The following ZNF677 variants were observed in gnomAD, a reference collection of about 807,000 sequenced individuals.
ZNF677 encodes the protein zinc finger protein 677.
Under a neutral mutation model 8.1 loss-of-function variants are expected in ZNF677, and 5 were observed. That is an observed-to-expected ratio of 0.62 (90% CI 0.32 to 1.29). The LOEUF (loss-of-function observed/expected upper bound fraction) is 1.29. ZNF677 is among the 50% of genes most tolerant of loss of function. The pLI is 0.05. For synonymous variants in ZNF677, 221 were observed against 225.6 expected, an observed-to-expected ratio of 0.98 and a Z score of 0.18; for missense variants, 685 against 685.9, an observed-to-expected ratio of 1.00 and a Z score of 0.01.
In ZNF677 at chr19:53,252,382, G is replaced by A. The variant is rs79873565; in HGVS notation, c.-56+704C>T. On this transcript the variant is annotated intron_variant, in intron 2 of 4. Coordinates refer to ENST00000598513, the MANE Select transcript of ZNF677 (RefSeq NM_182609.4). ...GGCACACTGAGCCTCAGAGAGAGGA[G>A]ATATTTCACCAAGTTACCTGGAAAA... Among the ~76,000 whole-genome samples the A allele has an allele frequency of 5.6e-3, 846 of 152,296 alleles. 9 individuals carry two copies. Among genetic ancestry groups the A allele is most frequent in the African/African-American group, 0.019 (774 of 41,556 alleles).
intron 3 of ZNF677, among the ~76,000 whole-genome samples, chr19:53,245,943 C>A (rs984101269): frequency 1.3e-4 from 19 of 151,982 alleles, no homozygotes; most frequent in Non-Finnish European, 2.6e-4. Context: ...ACCGGGGAGG[C>A]AGCAGTTGCA....
intron 4 of ZNF677, chr19:53,241,977 G>C: frequency 2.7e-6 from 1 of 364,074 alleles, no homozygotes; most frequent in Non-Finnish European, 4.7e-6. Context: ...TGTTGCCCAG[G>C]CTGGAGTGCA....
At position 53,237,091 on chromosome 19, in the gene ZNF677, T is replaced by C; in HGVS notation, c.1636A>G (p.Asn546Asp). Reference protein sequence around the residue: ...IHIEKKHCKHNIHGNALFQSS... With the variant: ...IHIEKKHCKHDIHGNALFQSS... ...TGGAATAAAGCATTACCATGTATATTATGTTTACAATGTTTCTTTTCAATG... is the reference window on the plus strand; with the variant it reads ...TGGAATAAAGCATTACCATGTATATCATGTTTACAATGTTTCTTTTCAATG... Residue 546 changes from asparagine (N) to aspartate (D), a missense_variant, in exon 5 of 5, where the codon AAT becomes GAT. Coordinates refer to ENST00000598513, the MANE Select transcript of ZNF677 (RefSeq NM_182609.4). 6.2e-7 allele frequency: 1 copy of C among 1,613,864 alleles called. No homozygotes were observed. The highest frequency in any genetic ancestry group is 8.5e-7 in the Non-Finnish European group (1 of 1,179,924).
At position 53,245,479 on chromosome 19, in the gene ZNF677, C is replaced by A. The variant is rs1176339743; in HGVS notation, c.16-1582G>T. On this transcript the variant is annotated intron_variant, in intron 3 of 4. Coordinates refer to ENST00000598513, the MANE Select transcript of ZNF677 (RefSeq NM_182609.4). ...AAAATGGGCAAAAGAGCTGAACAGACATTTTTTCCAAAGAGAATATAAAAA... is the reference window on the plus strand; with the variant it reads ...AAAATGGGCAAAAGAGCTGAACAGAAATTTTTTCCAAAGAGAATATAAAAA... Among the ~76,000 whole-genome samples, 3 of 152,084 alleles carry A rather than the reference C, an allele frequency of 2.0e-5. No homozygotes were observed. In the East Asian group the frequency reaches 5.8e-4, roughly 29 times the overall value.
chr19:53,243,433 G>A (rs966185871), intron 4 of ZNF677: 8 of 452,404 alleles, frequency 1.8e-5, no homozygotes, highest in Admixed American at 7.8e-5. Context: ...TTTTAAATAT[G>A]CAGACTCTGA....
Position 53,238,576 on chromosome 19 carries a change from A to G in ZNF677, c.170-19T>C. ...GAAATATCTGAAAGATATTAAAAAA[A>G]CCACAGGCTTTCCATCAAATAGAGT... On this transcript the variant is annotated intron_variant, in intron 4 of 4. Transcript: ENST00000598513. The G allele has an allele frequency of 1.3e-6, 2 of 1,521,242 alleles. No homozygotes were observed. The highest frequency in any genetic ancestry group is 4.7e-5 in the Admixed American group (2 of 42,628). 94.2% of individuals were successfully genotyped at this position (1,521,242 alleles called of 1,614,324 possible).
Position 53,237,986 on chromosome 19 carries a change from AG to A in ZNF677, c.740del (p.Pro247LeufsTer366), listed in dbSNP as rs777012635. The A allele has an allele frequency of 1.2e-6, 2 of 1,613,032 alleles. No individual in the cohort carries two copies. The highest frequency in any genetic ancestry group is 2.2e-5 in the East Asian group (1 of 44,866). On this transcript the variant is annotated frameshift_variant, in exon 5 of 5. Coordinates refer to ENST00000598513, the MANE Select transcript of ZNF677 (RefSeq NM_182609.4). LOFTEE classifies it low-confidence loss of function (END_TRUNC). ...TTCTCCCATACTGTGTATGTAATAA[AG>A]GGTATTTCAAAATCTTCCTATATTT... ...CNKYRKILKY[P>X]LLHTQYGRTH...
At position 53,236,181 on chromosome 19, in the gene ZNF677, G is replaced by C. The variant is rs896040406; in HGVS notation, c.*791C>G. On this transcript the variant is annotated 3_prime_UTR_variant, in exon 5 of 5. Transcript: ENST00000598513. ...ATGGTGCCACTGCACTCCAGCCTGG[G>C]TGACAGAGCAAGACTCTGTCTCCAA... 2.0e-5 allele frequency: 3 copies of C among 152,208 alleles called. No homozygotes were observed. Among genetic ancestry groups the C allele is most frequent in the African/African-American group, 7.2e-5 (3 of 41,434 alleles). 9.4% of individuals were successfully genotyped at this position (152,208 alleles called of 1,614,324 possible). A position where few individuals can be genotyped will look rare whatever the true frequency, so the allele number is the denominator to read the frequency against.
rs757980180 is a variant in ZNF677 at position 53,251,552 on chromosome 19, C to T, written c.-2G>A. Reference sequence around the variant, plus strand: ...AACTTTTACCTGAGAAAGAGCCATTCCCTCCTCTTCTTTCTTTCCTCTTCC... The same window carrying T: ...AACTTTTACCTGAGAAAGAGCCATTTCCTCCTCTTCTTTCTTTCCTCTTCC... On this transcript the variant is annotated 5_prime_UTR_variant, in exon 3 of 5. Transcript: ENST00000598513. 1.7e-5 allele frequency: 28 copies of T among 1,613,614 alleles called. No individual in the cohort carries two copies. The African/African-American group carries it at 3.5e-4, about 20-fold the overall frequency.
Position 53,243,913 on chromosome 19 carries a change from A to G in ZNF677, c.16-16T>C, listed in dbSNP as rs756821506. The G allele has an allele frequency of 6.4e-7, 1 of 1,564,950 alleles. No homozygotes were observed. Among genetic ancestry groups the G allele is most frequent in the Non-Finnish European group, 8.6e-7 (1 of 1,159,382 alleles). Reference sequence around the variant, plus strand: ...TAAACAGTCCCTGAAATAAAAACACACTTCACCAAGTGGACACAGGAAAAT... The same window carrying G: ...TAAACAGTCCCTGAAATAAAAACACGCTTCACCAAGTGGACACAGGAAAAT... On this transcript the variant is annotated splice_polypyrimidine_tract_variant and intron_variant, in intron 3 of 4. Transcript: ENST00000598513.
intron 3 of ZNF677, among the ~76,000 whole-genome samples, chr19:53,247,246 G>A (rs1480140882): frequency 6.6e-6 from 1 of 152,122 alleles, no homozygotes; most frequent in Admixed American, 6.5e-5. Flanking sequence ...TTTGCTGGGT[G>A]CAGTTTTCTT....
Position 53,237,516 on chromosome 19 carries a change from A to G in ZNF677, c.1211T>C (p.Ile404Thr). Reference sequence around the variant, plus strand: ...AAAAGCTTTGCCACACTCATTACATATGTAAGGCTTCTCTCCAGTATGGAT... The same window carrying G: ...AAAAGCTTTGCCACACTCATTACATGTGTAAGGCTTCTCTCCAGTATGGAT... ...KRIHTGEKPY[I>T]CNECGKAFKQ... The change falls in exon 5 of 5, where the codon ATA (isoleucine) becomes ACA (threonine). Residue 404 changes from isoleucine (I) to threonine (T), a missense_variant. Ile to Thr is a moderately conservative substitution (Grantham distance 89). Coordinates refer to ENST00000598513, the MANE Select transcript of ZNF677 (RefSeq NM_182609.4). The G allele has an allele frequency of 6.2e-7, 1 of 1,611,408 alleles. No homozygotes were observed. Among genetic ancestry groups the G allele is most frequent in the Non-Finnish European group, 8.5e-7 (1 of 1,179,188 alleles).
chr19:53,236,966 CT>C lies in ZNF677; in HGVS notation c.*5del. 4 of 1,529,762 alleles carry C rather than the reference CT, an allele frequency of 2.6e-6. No individual in the cohort carries two copies. In the South Asian group the frequency reaches 4.1e-5, roughly 16 times the overall value. The allele number at this position is 1,529,762 out of a possible 1,614,324, so 94.8% of individuals were successfully genotyped here. ...ATGGTTTCTTTTCACAATGGAGCCC[CT>C]GATGCTAGGTACAGCTTGAATACTT... On this transcript the variant is annotated 3_prime_UTR_variant, in exon 5 of 5. Coordinates refer to ENST00000598513, the MANE Select transcript of ZNF677 (RefSeq NM_182609.4).
rs1276676809 is a variant in ZNF677 at position 53,252,833 on chromosome 19, T to C, written c.-56+253A>G. On this transcript the variant is annotated intron_variant, in intron 2 of 4. Transcript: ENST00000598513. ...AAAGAAACTGAATACAGCTGAGCCT[T>C]GAGCAACACCAGTAGTGATGGGGTG... Among the ~76,000 whole-genome samples the C allele has an allele frequency of 2.0e-5, 3 of 152,144 alleles. No homozygotes were observed. In the East Asian group the frequency reaches 5.8e-4, roughly 29 times the overall value.
chr19:53,252,012 T>C (rs2091242403), intron 2 of ZNF677, among the ~76,000 whole-genome samples: 1 of 152,170 alleles, frequency 6.6e-6, no homozygotes, highest in Non-Finnish European at 1.5e-5. Context: ...ACTAAGTAGT[T>C]TAGACTTTTG....
At chr19:53,250,127 C>A (rs1244379014) in intron 3 of ZNF677, among the ~76,000 whole-genome samples, 1 of 152,158 alleles carries the variant, frequency 6.6e-6, no homozygotes, top group East Asian at 1.9e-4. Context: ...CCGTCTCAGC[C>A]TCCCAAAGTG....
At position 53,243,796 on chromosome 19, in the gene ZNF677, C is replaced by G; in HGVS notation, c.117G>C (p.Glu39Asp). Reference protein sequence around the residue: ...QRALYRDVMLENYRNLLSLDE... With the variant: ...QRALYRDVMLDNYRNLLSLDE... ...CGAGAGAAAGCAGGTTCCTGTAGTT[C>G]TCCAACATCACGTCCCTGTACAAGG... Residue 39 changes from glutamate to aspartate, a missense_variant, in exon 4 of 5, where the codon GAG becomes GAC. By Grantham distance (45) the Glu-to-Asp change is conservative. Transcript: ENST00000598513. 6.2e-7 allele frequency: 1 copy of G among 1,614,192 alleles called. No homozygotes were observed. Among genetic ancestry groups the G allele is most frequent in the Non-Finnish European group, 8.5e-7 (1 of 1,180,038 alleles).
chr19:53,254,521 CA>C (rs2091285235), intron 1 of ZNF677: 1 of 152,268 alleles, frequency 6.6e-6, no homozygotes, highest in African/African-American at 2.4e-5. Flanking sequence ...AGGGCTTTAC[CA>C]GGGGGAGGGA....
intron 4 of ZNF677, chr19:53,242,755 C>T: frequency 4.8e-6 from 1 of 209,016 alleles, no homozygotes; most frequent in Non-Finnish European, 9.4e-6. Context: ...CTACAAAGGC[C>T]CCAGCTCTGA....
Sources: gnomAD v4.1 joint callset for allele counts (sites outside exome capture counted in the v4.1 genomes callset) on GRCh38, gnomAD v4.1.1 for gene constraint, MANE v1.5 for transcripts, NCBI Gene and HGNC (gene_info 2026-07-23, HGNC 2026-07-21) for gene names.